The following C5 variants were observed in gnomAD, a reference collection of about 807,000 sequenced individuals.
C5 encodes the protein C3 and PZP-like alpha-2-macroglobulin domain-containing protein 4.
Under a neutral mutation model 218.8 loss-of-function variants are expected in C5, and 140 were observed. The ratio of observed to expected loss-of-function variants is 0.64; its 90% CI spans 0.56 to 0.74. C5 has a LOEUF of 0.74. Ranked by LOEUF, C5 falls within the 30% of genes least tolerant of loss-of-function variation. C5 has a pLI of 0.00. For synonymous variants in C5, 614 were observed against 682.3 expected (o/e 0.90, Z 1.56); for missense variants, 1,700 against 1,969.6 (o/e 0.86, Z 2.59).
In C5 at chr9:121,043,063, T is replaced by C. The variant is rs775968008; in HGVS notation, c.362A>G (p.Tyr121Cys). Residue 121 changes from tyrosine (Y) to cysteine (C), a missense_variant, in exon 3 of 41, where the codon TAT (tyrosine) becomes TGT (cysteine). By Grantham distance (194) the Tyr-to-Cys change is radical. Coordinates refer to ENST00000223642, the MANE Select transcript of C5 (RefSeq NM_001735.3). ...ATGAATGAAGAGAAATCCATTGTCATAGGTTATTGGCATTCTTTTTGATTT... is the reference window on the plus strand; with the variant it reads ...ATGAATGAAGAGAAATCCATTGTCACAGGTTATTGGCATTCTTTTTGATTT... ...FSKSKRMPIT[Y>C]DNGFLFIHTD... The C allele has an allele frequency of 6.8e-6, 11 of 1,612,900 alleles. No individual in the cohort carries two copies. Among genetic ancestry groups the C allele is most frequent in the East Asian group, 2.2e-5 (1 of 44,742 alleles).
intron 25 of C5, among the ~76,000 whole-genome samples, chr9:120,985,879 G>A (rs1222836389): frequency 6.6e-6 from 1 of 152,160 alleles, no homozygotes; most frequent in African/African-American, 2.4e-5. Context: ...TCAAGGATGT[G>A]AAATGTCCCC....
the C5 span, among the ~76,000 whole-genome samples, chr9:121,062,883 G>A: frequency 6.6e-6 from 1 of 151,904 alleles, no homozygotes; most frequent in East Asian, 1.9e-4. Flanking sequence ...CTTTTCTCTT[G>A]TTATTTTCAA....
At chr9:121,000,057 TCA>T in intron 20 of C5, 4 of 182,692 alleles carry the variant, frequency 2.2e-5, no homozygotes, top group South Asian at 1.1e-4. Context: ...AGACTCTGTC[TCA>T]AAAAAAAAAA....
chr9:121,016,200 T>C (rs2047305375), intron 15 of C5, 54 bp downstream of exon 15: 5 of 1,608,382 alleles, frequency 3.1e-6, no homozygotes, highest in African/African-American at 1.3e-5. Flanking sequence ...AAATGAGATC[T>C]GGGGGGCAAA....
At chr9:121,010,706 G>A (rs2047254429) in intron 17 of C5, among the ~76,000 whole-genome samples, 1 of 152,068 alleles carries the variant, frequency 6.6e-6, no homozygotes, top group Non-Finnish European at 1.5e-5. Context: ...AAAAAAACTG[G>A]AGGAATCACA....
At chr9:121,059,442 C>G in the C5 span, among the ~76,000 whole-genome samples, 1 of 152,196 alleles carries the variant, frequency 6.6e-6, no homozygotes, top group Non-Finnish European at 1.5e-5. This position sits in a 1 kb window ranked among gnomAD's most constrained non-coding sequence, Gnocchi z 4.1. Flanking sequence ...TCAAGCTCAG[C>G]TCATTAACCA....
At chr9:121,007,209 G>A (rs915871821) in intron 18 of C5, among the ~76,000 whole-genome samples, 1 of 152,182 alleles carries the variant, frequency 6.6e-6, no homozygotes, top group Non-Finnish European at 1.5e-5. Context: ...TTCAAGTTCA[G>A]AAGAATGCCT....
the C5 span, among the ~76,000 whole-genome samples, chr9:121,063,729 T>A: frequency 6.6e-6 from 1 of 152,286 alleles, no homozygotes; most frequent in African/African-American, 2.4e-5. Flanking sequence ...ATGTGCAAAA[T>A]GTTTTTGAAA....
chr9:121,048,660 C>T (rs1031264849), intron 1 of C5, among the ~76,000 whole-genome samples: 28 of 152,196 alleles, frequency 1.8e-4, no homozygotes, highest in African/African-American at 6.5e-4. Flanking sequence ...TCTGGAACCA[C>T]CCTTTATAAA....
upstream of C5, among the ~76,000 whole-genome samples, chr9:121,055,015 T>G (rs1317426395): frequency 6.6e-6 from 1 of 152,116 alleles, no homozygotes; most frequent in African/African-American, 2.4e-5. Context: ...ACTTTAAGCC[T>G]TTAGACAATA....
upstream of C5, among the ~76,000 whole-genome samples, chr9:121,053,486 C>A (rs1323477949): frequency 6.6e-6 from 1 of 152,028 alleles, no homozygotes; most frequent in South Asian, 2.1e-4. Flanking sequence ...TGAATAGAAC[C>A]CCCCCCGAGA....
At chr9:120,958,667 TA>T (rs2046804132) in intron 38 of C5, among the ~76,000 whole-genome samples, 1 of 152,154 alleles carries the variant, frequency 6.6e-6, no homozygotes, top group African/African-American at 2.4e-5. Flanking sequence ...GAGAATTCAG[TA>T]GACTTCGATG....
At chr9:120,954,947 G>A (rs1415599204) in intron 39 of C5, among the ~76,000 whole-genome samples, 1 of 152,158 alleles carries the variant, frequency 6.6e-6, no homozygotes, top group Non-Finnish European at 1.5e-5. Context: ...GTGTAGCTGT[G>A]TGGGGCCTTA....
the C5 span, chr9:121,074,699 G>C: frequency 2.4e-5 from 10 of 421,622 alleles, 1 homozygote; most frequent in South Asian, 1.4e-4. Context: ...ACAGCACTGC[G>C]GGCAGCTGCC....
rs1233076474 is a variant in C5, at chr9:121,017,593, C to T, written c.1716+50G>A. 3.1e-6 allele frequency: 5 copies of T among 1,602,674 alleles called. No individual in the cohort carries two copies. The East Asian group carries it at 6.7e-5, about 21-fold the overall frequency. Reference sequence around the variant, plus strand: ...CAGAAGCAGCTAAAACTTTGGCAGCCTCCTTCATTGAAAAGAAAATTCAAT... The same window carrying T: ...CAGAAGCAGCTAAAACTTTGGCAGCTTCCTTCATTGAAAAGAAAATTCAAT... On this transcript the variant is annotated intron_variant, in intron 13 of 40. Coordinates refer to ENST00000223642, the MANE Select transcript of C5 (RefSeq NM_001735.3).
Position 121,021,535 on chromosome 9 carries a change from A to G in C5, c.1276T>C (p.Ser426Pro), listed in dbSNP as rs1387157509. The G allele has an allele frequency of 6.2e-7, 1 of 1,613,850 alleles. No homozygotes were observed. Among genetic ancestry groups the G allele is most frequent in the Non-Finnish European group, 8.5e-7 (1 of 1,179,788 alleles). ...TTAAACTCCAGCACCGTCACTCCAG[A>G]TGGGAGATTAAGCACAAAGGAAGCT... ...GVASFVLNLP[S>P]GVTVLEFNVK... The change falls in exon 11 of 41, where the codon TCT (serine) becomes CCT (proline). Residue 426 changes from serine (S) to proline (P), a missense_variant. Physicochemically the swap from Ser to Pro is moderately conservative, Grantham distance 74. Coordinates refer to ENST00000223642, the MANE Select transcript of C5 (RefSeq NM_001735.3).
At chr9:120,984,363 T>C (rs1445332775) in intron 25 of C5, among the ~76,000 whole-genome samples, 1 of 152,186 alleles carries the variant, frequency 6.6e-6, no homozygotes, top group Non-Finnish European at 1.5e-5. Context: ...CACACTGCTC[T>C]CAAGGATGAG....
intron 25 of C5, 64 bp from the exon 26 acceptor site, chr9:120,982,878 T>C (rs1235343214): frequency 1.2e-6 from 1 of 842,584 alleles, no homozygotes; most frequent in Admixed American, 2.5e-5. Flanking sequence ...TTTCAATTAA[T>C]TTATACAACT....
intron 27 of C5, 138 bp downstream of exon 27, chr9:120,981,706 T>C: frequency 1.5e-6 from 1 of 666,518 alleles, no homozygotes; most frequent in Non-Finnish European, 2.7e-6. Context: ...CTTTCAATTC[T>C]GGAGTTTAAG....
Sources: gnomAD v4.1 joint callset for allele counts (sites outside exome capture counted in the v4.1 genomes callset) on GRCh38, gnomAD v4.1.1 for gene constraint, Gnocchi (gnomAD v3.1) non-coding constraint, MANE v1.5 for transcripts, NCBI Gene and HGNC (gene_info 2026-07-23, HGNC 2026-07-21) for gene names.